The following SLC31A1 variants were observed in gnomAD, a reference collection of about 807,000 sequenced individuals.
The protein encoded by SLC31A1 is solute carrier family 31 member 1.
Under a neutral mutation model 17.2 loss-of-function variants are expected in SLC31A1, and 5 were observed. The ratio of observed to expected loss-of-function variants is 0.29; its 90% CI spans 0.15 to 0.61. SLC31A1 has a LOEUF of 0.61. Among genes scored for constraint, SLC31A1 ranks in the 20% least tolerant of loss-of-function variants. The pLI is 0.86. For synonymous variants in SLC31A1, 76 were observed against 78.8 expected (o/e 0.96, Z 0.19); for missense variants, 161 against 241.4 (o/e 0.67, Z 2.21).
intron 1 of SLC31A1, among the ~76,000 whole-genome samples, chr9:113,235,256 A>G (rs930203201): frequency 1.3e-5 from 2 of 152,204 alleles, no homozygotes; most frequent in African/African-American, 4.8e-5. Flanking sequence ...AGTCATTAGG[A>G]AGATGCAAAT....
At chr9:113,251,337 G>A (rs1025903388) in intron 1 of SLC31A1, among the ~76,000 whole-genome samples, 18 of 152,008 alleles carry the variant, frequency 1.2e-4, no homozygotes, top group East Asian at 3.9e-4. Context: ...CTGGAGAATC[G>A]CTTGAACCTG....
chr9:113,258,931 G>C lies in SLC31A1; in HGVS notation c.371+69G>C. On this transcript the variant is annotated intron_variant, in intron 4 of 4. Coordinates refer to ENST00000374212, the MANE Select transcript of SLC31A1 (RefSeq NM_001859.4). This position sits in a 1 kb window ranked among gnomAD's most constrained non-coding sequence, Gnocchi z 4.8. ...CAGTTAAGCAGCAAAGCGCAGCTGT[G>C]TGATCAGCAGCAGCCCTCTTCTTGA... 1.4e-6 allele frequency: 2 copies of C among 1,480,600 alleles called. No homozygotes were observed. Among genetic ancestry groups the C allele is most frequent in the Non-Finnish European group, 1.9e-6 (2 of 1,058,878 alleles). The allele number at this position is 1,480,600 out of a possible 1,614,324, so 91.7% of individuals were successfully genotyped here.
In SLC31A1 at chr9:113,256,165, A is replaced by G. The variant is rs746947702; in HGVS notation, c.17A>G (p.His6Arg). The G allele has an allele frequency of 6.2e-7, 1 of 1,612,394 alleles. No individual in the cohort carries two copies. Among genetic ancestry groups the G allele is most frequent in the Non-Finnish European group, 8.5e-7 (1 of 1,179,928 alleles). ...CTGGAAAAAATGGATCATTCCCACC[A>G]TATGGGGATGAGCTATATGGACTCC... MDHSH[H>R]MGMSYMDSNS... is the part of the protein sequence containing the mutation. The change falls in exon 2 of 5, where the codon CAT (histidine) becomes CGT (arginine). Residue 6 changes from histidine (H) to arginine (R), a missense_variant. Physicochemically the swap from His to Arg is conservative, Grantham distance 29. Coordinates refer to ENST00000374212, the MANE Select transcript of SLC31A1 (RefSeq NM_001859.4).
At chr9:113,225,063 G>A (rs558384895) in intron 1 of SLC31A1, among the ~76,000 whole-genome samples, 8 of 152,300 alleles carry the variant, frequency 5.3e-5, no homozygotes, top group African/African-American at 1.9e-4. Flanking sequence ...GCTTTACATA[G>A]TATTTACGTA....
intron 1 of SLC31A1, among the ~76,000 whole-genome samples, chr9:113,236,530 A>T (rs995454641): frequency 1.9e-4 from 29 of 150,736 alleles, no homozygotes; most frequent in African/African-American, 5.9e-4. Flanking sequence ...CGCCCGGCTA[A>T]TTTTTGTATT....
intron 3 of SLC31A1, among the ~76,000 whole-genome samples, chr9:113,257,830 A>G (rs1198825152): frequency 6.6e-6 from 1 of 152,188 alleles, no homozygotes; most frequent in Non-Finnish European, 1.5e-5. Flanking sequence ...TCCTGGACAT[A>G]AGACTAACTC....
intron 1 of SLC31A1, among the ~76,000 whole-genome samples, chr9:113,233,923 T>C (rs1224024000): frequency 6.6e-6 from 1 of 152,240 alleles, no homozygotes; most frequent in Admixed American, 6.5e-5. Context: ...ATTGGGAACA[T>C]TTCAAATCTT....
chr9:113,222,246 G>A (rs1831286703), intron 1 of SLC31A1, among the ~76,000 whole-genome samples: 1 of 152,122 alleles, frequency 6.6e-6, no homozygotes, highest in Admixed American at 6.6e-5. Context: ...ACGCGGATGA[G>A]GTGCAGAAGA....
intron 1 of SLC31A1, among the ~76,000 whole-genome samples, chr9:113,222,134 C>T (rs1417591452): frequency 1.3e-5 from 2 of 152,210 alleles, no homozygotes; most frequent in African/African-American, 2.4e-5. Flanking sequence ...GAACAAGAAC[C>T]TTATCAGCCC....
intron 1 of SLC31A1, among the ~76,000 whole-genome samples, chr9:113,242,184 G>A (rs1358391745): frequency 2.6e-5 from 4 of 151,624 alleles, no homozygotes; most frequent in Admixed American, 6.6e-5. Flanking sequence ...GCGAGACTCC[G>A]TCTCAAAAAA....
chr9:113,244,640 A>G (rs1356169741), intron 1 of SLC31A1, among the ~76,000 whole-genome samples: 2 of 152,240 alleles, frequency 1.3e-5, no homozygotes, highest in East Asian at 3.8e-4. Flanking sequence ...AGCAAGTAAG[A>G]ATTTATTATA....
intron 1 of SLC31A1, among the ~76,000 whole-genome samples, chr9:113,237,660 C>A (rs1175705543): frequency 6.6e-6 from 1 of 152,122 alleles, no homozygotes; most frequent in African/African-American, 2.4e-5. Flanking sequence ...CCTTGGCTAG[C>A]CTTTTAACCT....
rs959687364 is a variant in SLC31A1 at position 113,230,126 on chromosome 9, T to C, written c.-36+8448T>C. Among the ~76,000 whole-genome samples, 7 of 152,232 alleles carry C rather than the reference T, an allele frequency of 4.6e-5. No homozygotes were observed. In the East Asian group the frequency reaches 1.3e-3, roughly 29 times the overall value. ...ACAAATATCTGCCTCTGTCTGTGTT[T>C]TACTGTCTTCCCAAATTTTTGGATG... On this transcript the variant is annotated intron_variant, in intron 1 of 4. Coordinates refer to ENST00000374212, the MANE Select transcript of SLC31A1 (RefSeq NM_001859.4).
Position 113,260,498 on chromosome 9 carries a change from A to G in SLC31A1, c.*25A>G. The G allele has an allele frequency of 6.3e-7, 1 of 1,599,246 alleles. No homozygotes were observed. The highest frequency in any genetic ancestry group is 8.5e-7 in the Non-Finnish European group (1 of 1,170,596). Reference sequence around the variant, plus strand: ...ACATCAAACTCTATGGCGTGGCCTTATCGATTGCAGTGGGAAGTTGTTGAA... The same window carrying G: ...ACATCAAACTCTATGGCGTGGCCTTGTCGATTGCAGTGGGAAGTTGTTGAA... On this transcript the variant is annotated 3_prime_UTR_variant, in exon 5 of 5. Transcript: ENST00000374212.
At chr9:113,226,088 G>A (rs184487023) in intron 1 of SLC31A1, among the ~76,000 whole-genome samples, 184 of 151,534 alleles carry the variant, frequency 1.2e-3, no homozygotes, top group Admixed American at 4.8e-3. Context: ...GTGAGCTGAG[G>A]TCACGCCACT....
At chr9:113,231,941 G>A (rs1486831063) in intron 1 of SLC31A1, among the ~76,000 whole-genome samples, 1 of 152,220 alleles carries the variant, frequency 6.6e-6, no homozygotes, top group Non-Finnish European at 1.5e-5. Flanking sequence ...TAAAGTTACA[G>A]ATAACAGAAT....
intron 1 of SLC31A1, among the ~76,000 whole-genome samples, chr9:113,249,969 C>T (rs1336063788): frequency 3.9e-5 from 6 of 152,044 alleles, no homozygotes; most frequent in Non-Finnish European, 8.8e-5. Flanking sequence ...AAATCAAAAC[C>T]ACAGTGAGAT....
chr9:113,250,570 C>T (rs1460366887), intron 1 of SLC31A1, among the ~76,000 whole-genome samples: 1 of 149,350 alleles, frequency 6.7e-6, no homozygotes, highest in Non-Finnish European at 1.5e-5. Context: ...GGAGATATAC[C>T]TAATGCTAGA....
chr9:113,226,041 C>G (rs1478843161), intron 1 of SLC31A1, among the ~76,000 whole-genome samples: 1 of 151,156 alleles, frequency 6.6e-6, no homozygotes, highest in Non-Finnish European at 1.5e-5. Context: ...GACGGAGGCA[C>G]GAGAATTGCT....
Sources: gnomAD v4.1 joint callset for allele counts (sites outside exome capture counted in the v4.1 genomes callset) on GRCh38, gnomAD v4.1.1 for gene constraint, Gnocchi (gnomAD v3.1) non-coding constraint, MANE v1.5 for transcripts, NCBI Gene and HGNC (gene_info 2026-07-23, HGNC 2026-07-21) for gene names.